Variants in TRIM23 observed in about 807,000 individuals in gnomAD.
The protein encoded by TRIM23 is E3 ubiquitin-protein ligase TRIM23.
A neutral mutation model predicts 71.0 loss-of-function variants in TRIM23; 27 were observed. The observed-to-expected ratio is 0.38, with a 90% CI of 0.28 to 0.52. TRIM23 has a LOEUF of 0.52. TRIM23 is among the 20% of genes least tolerant of loss of function. The pLI, the probability that TRIM23 is intolerant of heterozygous loss-of-function variation, is 0.84. For synonymous variants in TRIM23, 234 were observed against 238.0 expected (o/e 0.98, Z 0.16); for missense variants, 482 against 692.3 (o/e 0.70, Z 3.41).
rs1027036610 is a variant in TRIM23 at position 65,623,036 on chromosome 5, C to T, written c.81+1158G>A. On this transcript the variant is annotated intron_variant, in intron 1 of 10. Transcript: ENST00000231524. ...GGGCTCCTTTGCATATCAGATATGC[C>T]GTGTACCTGTAGAATAACTTCATTA... 6.6e-5 allele frequency among the ~76,000 whole-genome samples: 10 copies of T among 152,184 alleles called. No homozygotes were observed. The East Asian group carries it at 7.7e-4, about 12-fold the overall frequency.
At chr5:65,603,011 A>G (rs1754403110) in intron 7 of TRIM23, among the ~76,000 whole-genome samples, 1 of 152,224 alleles carries the variant, frequency 6.6e-6, no homozygotes. Context: ...TTCACATGCT[A>G]CAATATGGAT....
chr5:65,607,865 G>C (rs1342214719), intron 6 of TRIM23, among the ~76,000 whole-genome samples: 1 of 152,126 alleles, frequency 6.6e-6, no homozygotes, highest in East Asian at 1.9e-4. Flanking sequence ...CTATCTAGAT[G>C]CAAAGAATTT....
chr5:65,590,310 A>C lies in TRIM23; in HGVS notation c.*1459T>G, dbSNP rs770404851. 1 of 1,435,980 alleles carries C rather than the reference A, an allele frequency of 7.0e-7. No homozygotes were observed. Among genetic ancestry groups the C allele is most frequent in the Non-Finnish European group, 9.6e-7 (1 of 1,038,452 alleles). The allele number at this position is 1,435,980 out of a possible 1,614,324, so 89.0% of individuals were successfully genotyped here. On this transcript the variant is annotated 3_prime_UTR_variant, in exon 11 of 11. Coordinates refer to ENST00000231524, the MANE Select transcript of TRIM23 (RefSeq NM_001656.4). ...AACAGCATGACCTTTTACCTGAAAA[A>C]TAAAGGATGAAATATTACATTTATT...
Position 65,595,227 on chromosome 5 carries a change from T to C in TRIM23, c.1421-582A>G, listed in dbSNP as rs185435750. 4.4e-4 allele frequency among the ~76,000 whole-genome samples: 66 copies of C among 151,530 alleles called. No homozygotes were observed. The East Asian group carries it at 0.01, about 23-fold the overall frequency. ...AGGAGTTCGAGACCCCTGGGCAATA[T>C]AGTGAGACCTTATCTCTATTAAAAA... On this transcript the variant is annotated intron_variant, in intron 9 of 10. Transcript: ENST00000231524.
chr5:65,614,472 C>A lies in TRIM23; in HGVS notation c.245-253G>T, dbSNP rs190387956. Among the ~76,000 whole-genome samples the A allele has an allele frequency of 2.4e-3, 362 of 152,276 alleles. 2 individuals are homozygous for A. Among genetic ancestry groups the A allele is most frequent in the African/African-American group, 8.4e-3 (348 of 41,556 alleles). ...TTTTTTGGCCAGGTGCTTTGGCCCA[C>A]GCCTGTAATCCCAGCAGTTTGGGAG... On this transcript the variant is annotated intron_variant, in intron 2 of 10. Coordinates refer to ENST00000231524, the MANE Select transcript of TRIM23 (RefSeq NM_001656.4).
At chr5:65,611,994 GA>G in intron 3 of TRIM23, 113 bp from the exon 4 acceptor site, 1 of 1,008,094 alleles carries the variant, frequency 9.9e-7, no homozygotes, top group Non-Finnish European at 1.4e-6. Context: ...ATTTACATAT[GA>G]AAATATATTG....
intron 1 of TRIM23, among the ~76,000 whole-genome samples, chr5:65,619,950 G>A (rs1754884826): frequency 6.6e-6 from 1 of 152,114 alleles, no homozygotes; most frequent in Non-Finnish European, 1.5e-5. Context: ...CAGGCATAGT[G>A]GTGGGCGCCT....
intron 6 of TRIM23, among the ~76,000 whole-genome samples, chr5:65,607,988 C>T (rs912982703): frequency 6.6e-6 from 1 of 152,044 alleles, no homozygotes; most frequent in African/African-American, 2.4e-5. Context: ...CACACCATTA[C>T]TTGAATAGAA....
chr5:65,595,562 A>G, intron 9 of TRIM23, among the ~76,000 whole-genome samples: 1 of 151,112 alleles, frequency 6.6e-6, no homozygotes, highest in South Asian at 2.1e-4. Flanking sequence ...GATCTCAAAA[A>G]AAAAAAAAAA....
rs143044566 is a variant in TRIM23, at chr5:65,624,262, C to G, written c.13G>C (p.Val5Leu). 192 of 1,614,058 alleles carry G rather than the reference C, an allele frequency of 1.2e-4. 1 individual carries two copies. Among genetic ancestry groups the G allele is most frequent in the Non-Finnish European group, 1.5e-4 (179 of 1,180,042 alleles). Residue 5 changes from valine to leucine, a missense_variant, in exon 1 of 11, where the codon GTT becomes CTT. By Grantham distance (32) the Val-to-Leu change is conservative (BLOSUM62 1). This residue lies in a region of TRIM23 where 175 missense variants were observed against 196.5 expected (regional missense o/e 0.89). Coordinates refer to ENST00000231524, the MANE Select transcript of TRIM23 (RefSeq NM_001656.4). ...ACTCCCGCTCCGAGCTTGTTTACAA[C>G]CAGGGTAGCCATCCTCGCAGGGGAA... The part of the protein sequence containing the change: MATL[V>L]VNKLGAGVDS...
intron 1 of TRIM23, among the ~76,000 whole-genome samples, chr5:65,619,678 G>A (rs534346561): frequency 3.4e-4 from 51 of 152,214 alleles, no homozygotes; most frequent in African/African-American, 1.2e-3. Context: ...TGTAAATAAG[G>A]GTTTGGGAAG....
intron 7 of TRIM23, among the ~76,000 whole-genome samples, chr5:65,600,027 A>G (rs1754317959): frequency 6.6e-6 from 1 of 151,572 alleles, no homozygotes; most frequent in African/African-American, 2.4e-5. Context: ...GCAAAGAGGG[A>G]GTGAGGCATT....
At chr5:65,602,064 C>T (rs949585672) in intron 7 of TRIM23, among the ~76,000 whole-genome samples, 2 of 152,204 alleles carry the variant, frequency 1.3e-5, no homozygotes, top group Non-Finnish European at 2.9e-5. Flanking sequence ...AGGTTCCTTG[C>T]TACTTATGCA....
At chr5:65,618,476 T>G (rs1754832469) in intron 1 of TRIM23, among the ~76,000 whole-genome samples, 1 of 152,204 alleles carries the variant, frequency 6.6e-6, no homozygotes, top group Non-Finnish European at 1.5e-5. Flanking sequence ...TTTGAAATAC[T>G]AAGTGTTGGG....
At chr5:65,611,903 C>A in intron 3 of TRIM23, 22 bp from the exon 4 acceptor site, 1 of 1,598,172 alleles carries the variant, frequency 6.3e-7, no homozygotes, top group Non-Finnish European at 8.6e-7. Context: ...AAAATTAATG[C>A]CTTAAAATTG....
intron 7 of TRIM23, 127 bp downstream of exon 7, chr5:65,604,783 TA>T (rs1193140902): frequency 1.9e-5 from 16 of 858,584 alleles, no homozygotes; most frequent in Non-Finnish European, 2.5e-5. Flanking sequence ...TTTCCACTGA[TA>T]AAAGTTTTCT....
Position 65,597,091 on chromosome 5 carries a change from C to G in TRIM23, c.1269G>C (p.Lys423Asn). The G allele has an allele frequency of 6.2e-7, 1 of 1,614,128 alleles. No homozygotes were observed. Among genetic ancestry groups the G allele is most frequent in the Non-Finnish European group, 8.5e-7 (1 of 1,179,996 alleles). Residue 423 changes from lysine (K) to asparagine (N), a missense_variant, in exon 8 of 11, where the codon AAG becomes AAC. By Grantham distance (94) the Lys-to-Asn change is moderately conservative. This residue lies in a region of TRIM23 where 307 missense variants were observed against 495.8 expected (regional missense o/e 0.62). Coordinates refer to ENST00000231524, the MANE Select transcript of TRIM23 (RefSeq NM_001656.4). ...GCTGCATGAATTCATCCTGTTTTAACTTAAACAAGATAGTAGTTTTTCCAG... is the reference window on the plus strand; with the variant it reads ...GCTGCATGAATTCATCCTGTTTTAAGTTAAACAAGATAGTAGTTTTTCCAG... ...DGAGKTTILF[K>N]LKQDEFMQPI...
chr5:65,595,100 A>T (rs1205280436), intron 9 of TRIM23, among the ~76,000 whole-genome samples: 1 of 152,116 alleles, frequency 6.6e-6, no homozygotes, highest in South Asian at 2.1e-4. Flanking sequence ...CCAGACTTTC[A>T]ACCATTCCTC....
chr5:65,620,032 C>A lies in TRIM23; in HGVS notation c.82-1777G>T, dbSNP rs186698561. On this transcript the variant is annotated intron_variant, in intron 1 of 10. Coordinates refer to ENST00000231524, the MANE Select transcript of TRIM23 (RefSeq NM_001656.4). ...CCTGGGAGGCGGAGGTTGCAGTGAGCCAAGATCACGCCACCGCACTCCAGC... is the reference window on the plus strand; with the variant it reads ...CCTGGGAGGCGGAGGTTGCAGTGAGACAAGATCACGCCACCGCACTCCAGC... Among the ~76,000 whole-genome samples, 270 of 152,190 alleles carry A rather than the reference C, an allele frequency of 1.8e-3. No homozygotes were observed. The Middle Eastern group carries it at 0.02, about 12-fold the overall frequency.
Sources: allele counts gnomAD v4.1 joint callset (sites outside exome capture counted in the v4.1 genomes callset), GRCh38; gene constraint gnomAD v4.1.1; regional missense constraint gnomAD v4.1.1; transcripts MANE v1.5; gene names NCBI Gene and HGNC (gene_info 2026-07-23, HGNC 2026-07-21).